The following AURKA variants were observed in gnomAD, a reference collection of about 807,000 sequenced individuals.
The protein encoded by AURKA is aurora kinase A.
A neutral mutation model predicts 40.9 loss-of-function variants in AURKA; 12 were observed. That is an observed-to-expected ratio of 0.29 (90% CI 0.19 to 0.48). The LOEUF (loss-of-function observed/expected upper bound fraction) is 0.48. Among genes scored for constraint, AURKA ranks in the 20% least tolerant of loss-of-function variants. The pLI is 0.99. For synonymous variants in AURKA, 170 were observed against 164.3 expected, an observed-to-expected ratio of 1.03 and a Z score of -0.26; for missense variants, 322 against 462.1, an observed-to-expected ratio of 0.70 and a Z score of 2.78.
Position 56,373,010 on chromosome 20 carries a change from GATCTTT to G in AURKA, c.854+392_854+397del, listed in dbSNP as rs992947249. ...GATATGGCCTGCACTCTGAGCTCTA[GATCTTT>G]GTCAGTGCTGTCCTCTGAACCATCT... On this transcript the variant is annotated intron_variant, in intron 7 of 8. Transcript: ENST00000395915. This position sits in a 1 kb window ranked among gnomAD's most constrained non-coding sequence, Gnocchi z 5.0. Among the ~76,000 whole-genome samples, 5 of 152,170 alleles carry G rather than the reference GATCTTT, an allele frequency of 3.3e-5. No homozygotes were observed. Among genetic ancestry groups the G allele is most frequent in the Admixed American group, 3.3e-4 (5 of 15,276 alleles).
At chr20:56,374,133 T>C (rs1167300784) in intron 6 of AURKA, among the ~76,000 whole-genome samples, 1 of 152,186 alleles carries the variant, frequency 6.6e-6, no homozygotes, top group Non-Finnish European at 1.5e-5. Context: ...GCTGGTGTGA[T>C]GTTGAAAGTC....
At chr20:56,389,235 A>T (rs1003079280) in intron 1 of AURKA, among the ~76,000 whole-genome samples, 1 of 151,888 alleles carries the variant, frequency 6.6e-6, no homozygotes, top group Admixed American at 6.6e-5. Context: ...CTCCATCTAC[A>T]CCTTCACCAG....
intron 3 of AURKA, among the ~76,000 whole-genome samples, chr20:56,385,137 C>T (rs947839630): frequency 1.3e-5 from 2 of 152,190 alleles, no homozygotes; most frequent in African/African-American, 4.8e-5. Context: ...CGTAAATGAG[C>T]TCTCAAATTT....
rs141470107 is a variant in AURKA at position 56,375,044 on chromosome 20, G to A, written c.706-1488C>T. On this transcript the variant is annotated intron_variant, in intron 6 of 8. Coordinates refer to ENST00000395915, the MANE Select transcript of AURKA (RefSeq NM_198437.3). ...GCCTGGGCAACAAGAGTAAAATTCC[G>A]TCTCAAAAAAAAGCAAGAAAAAGAA... Among the ~76,000 whole-genome samples, 371 of 151,918 alleles carry A rather than the reference G, an allele frequency of 2.4e-3. 2 individuals carry two copies. Among genetic ancestry groups the A allele is most frequent in the African/African-American group, 8.3e-3 (344 of 41,448 alleles).
intron 4 of AURKA, among the ~76,000 whole-genome samples, chr20:56,383,922 C>G (rs1199802245): frequency 6.6e-6 from 1 of 152,150 alleles, no homozygotes; most frequent in Non-Finnish European, 1.5e-5. Flanking sequence ...GCAACATATT[C>G]TATTTTTTAA....
At chr20:56,380,752 A>C (rs976831027) in intron 6 of AURKA, among the ~76,000 whole-genome samples, 1 of 152,224 alleles carries the variant, frequency 6.6e-6, no homozygotes, top group African/African-American at 2.4e-5. Flanking sequence ...ATGTGATAAG[A>C]ATGCACTTTA....
intron 1 of AURKA, among the ~76,000 whole-genome samples, chr20:56,391,298 GAA>G (rs996383759): frequency 2.6e-5 from 4 of 152,238 alleles, no homozygotes; most frequent in African/African-American, 9.6e-5. Flanking sequence ...TACGGAAGAG[GAA>G]GAGACATTAC....
intron 2 of AURKA, 116 bp downstream of exon 2, chr20:56,388,040 G>T: frequency 8.3e-6 from 1 of 120,946 alleles, no homozygotes; most frequent in Non-Finnish European, 1.3e-5. Context: ...TCATATCCAG[G>T]ATCACAGTAA....
chr20:56,385,010 T>C (rs1486302797), intron 3 of AURKA, among the ~76,000 whole-genome samples: 1 of 152,188 alleles, frequency 6.6e-6, no homozygotes, highest in Non-Finnish European at 1.5e-5. Flanking sequence ...CTGTCACATG[T>C]GCACCCCTCA....
At chr20:56,385,925 C>T (rs1290633069) in intron 3 of AURKA, among the ~76,000 whole-genome samples, 1 of 152,146 alleles carries the variant, frequency 6.6e-6, no homozygotes, top group Non-Finnish European at 1.5e-5. Context: ...TCTGGATTTC[C>T]CCCACACTTT....
rs1412197463 is a variant in AURKA at position 56,369,445 on chromosome 20, A to G, written c.*713T>C. 1 of 235,420 alleles carries G rather than the reference A, an allele frequency of 4.2e-6. No individual in the cohort carries two copies. Among genetic ancestry groups the G allele is most frequent in the South Asian group, 1.7e-4 (1 of 5,820 alleles). The allele number at this position is 235,420 out of a possible 1,614,324, so 14.6% of individuals were successfully genotyped here. A position where few individuals can be genotyped will look rare whatever the true frequency, so the allele number is the denominator to read the frequency against. Reference sequence around the variant, plus strand: ...AAGTTTACACACATGCTATGACTCCAATGTTTTAAAAAAATAAGCCCTTAA... The same window carrying G: ...AAGTTTACACACATGCTATGACTCCGATGTTTTAAAAAAATAAGCCCTTAA... On this transcript the variant is annotated 3_prime_UTR_variant, in exon 9 of 9. Transcript: ENST00000395915.
Position 56,373,082 on chromosome 20 carries a change from C to T in AURKA, c.854+326G>A, listed in dbSNP as rs1471266111. Among the ~76,000 whole-genome samples the T allele has an allele frequency of 6.6e-6, 1 of 152,198 alleles. No homozygotes were observed. The highest frequency in any genetic ancestry group is 1.5e-5 in the Non-Finnish European group (1 of 68,028). On this transcript the variant is annotated intron_variant, in intron 7 of 8. Coordinates refer to ENST00000395915, the MANE Select transcript of AURKA (RefSeq NM_198437.3). The surrounding 1 kb of genome is among the most constrained non-coding windows in gnomAD (Gnocchi z 5.0). ...CAGGAAGCAGCAGAGGTGAAGAGTTCCTCCCACTCAACATGTGGGCACTTC... is the reference window on the plus strand; with the variant it reads ...CAGGAAGCAGCAGAGGTGAAGAGTTTCTCCCACTCAACATGTGGGCACTTC...
At chr20:56,376,271 G>C (rs1984913736) in intron 6 of AURKA, among the ~76,000 whole-genome samples, 1 of 152,166 alleles carries the variant, frequency 6.6e-6, no homozygotes, top group Non-Finnish European at 1.5e-5. Context: ...AATGAGCATA[G>C]ATTTACTTAT....
chr20:56,386,644 G>C, intron 2 of AURKA, 111 bp from the exon 3 acceptor site: 1 of 1,205,500 alleles, frequency 8.3e-7, no homozygotes, highest in African/African-American at 1.5e-5. Flanking sequence ...GAATGTCACT[G>C]ATAAGAGATG....
chr20:56,370,785 G>T, intron 7 of AURKA, 126 bp from the exon 8 acceptor site: 1 of 980,364 alleles, frequency 1.0e-6, no homozygotes, highest in Non-Finnish European at 1.5e-6. Flanking sequence ...GCCCTAGGAA[G>T]TAGCTACTAT....
Position 56,373,343 on chromosome 20 carries a change from T to C in AURKA, c.854+65A>G, listed in dbSNP as rs768481365. Reference sequence around the variant, plus strand: ...AAATCTACACTGAAATATTTTACATTTAGCTCACGGTTAGCTCCCAGGGCT... The same window carrying C: ...AAATCTACACTGAAATATTTTACATCTAGCTCACGGTTAGCTCCCAGGGCT... On this transcript the variant is annotated intron_variant, in intron 7 of 8. Coordinates refer to ENST00000395915, the MANE Select transcript of AURKA (RefSeq NM_198437.3). The surrounding 1 kb of genome is among the most constrained non-coding windows in gnomAD (Gnocchi z 5.0). The C allele has an allele frequency of 7.5e-6, 12 of 1,609,616 alleles. No individual in the cohort carries two copies. The highest frequency in any genetic ancestry group is 1.0e-5 in the Non-Finnish European group (12 of 1,177,680).
At chr20:56,383,282 C>T in intron 4 of AURKA, 106 bp from the exon 5 acceptor site, 1 of 1,193,386 alleles carries the variant, frequency 8.4e-7, no homozygotes, top group Non-Finnish European at 1.2e-6. Flanking sequence ...ATTCCAACTT[C>T]ACTCAATATG....
intron 8 of AURKA, 59 bp downstream of exon 8, chr20:56,370,426 C>T: frequency 2.5e-6 from 4 of 1,613,906 alleles, no homozygotes; most frequent in Non-Finnish European, 3.4e-6. Context: ...GCCTGCAGTT[C>T]AGGCTGATAA....
At position 56,373,333 on chromosome 20, in the gene AURKA, T is replaced by G; in HGVS notation, c.854+75A>C. 1 of 1,605,974 alleles carries G rather than the reference T, an allele frequency of 6.2e-7. No individual in the cohort carries two copies. Among genetic ancestry groups the G allele is most frequent in the Non-Finnish European group, 8.5e-7 (1 of 1,174,416 alleles). On this transcript the variant is annotated intron_variant, in intron 7 of 8. Transcript: ENST00000395915. The surrounding 1 kb of genome is among the most constrained non-coding windows in gnomAD (Gnocchi z 5.0). ...TTACAGCACAAAATCTACACTGAAA[T>G]ATTTTACATTTAGCTCACGGTTAGC...
Sources: gnomAD v4.1 joint callset for allele counts (sites outside exome capture counted in the v4.1 genomes callset) on GRCh38, gnomAD v4.1.1 for gene constraint, Gnocchi (gnomAD v3.1) non-coding constraint, MANE v1.5 for transcripts, NCBI Gene and HGNC (gene_info 2026-07-23, HGNC 2026-07-21) for gene names.